GRB10: variants seen among roughly 807,000 people sequenced by gnomAD.
GRB10 encodes growth factor receptor-bound protein 10.
A neutral mutation model predicts 80.9 loss-of-function variants in GRB10; 20 were observed. The ratio of observed to expected loss-of-function variants is 0.25; its 90% CI spans 0.17 to 0.36. The LOEUF (loss-of-function observed/expected upper bound fraction) is 0.36, where lower values mean the gene tolerates loss of function less well. GRB10 is among the 10% of genes least tolerant of loss of function. The pLI, the probability that GRB10 is intolerant of heterozygous loss-of-function variation, is 1.00. For synonymous variants in GRB10, 291 were observed against 291.5 expected, an observed-to-expected ratio of 1.00 and a Z score of 0.02; for missense variants, 548 against 747.7, an observed-to-expected ratio of 0.73 and a Z score of 3.12.
At chr7:50,641,368 T>C (rs1020581227) in intron 7 of GRB10, among the ~76,000 whole-genome samples, 3 of 152,102 alleles carry the variant, frequency 2.0e-5, no homozygotes, top group African/African-American at 4.8e-5. Context: ...CCATTCAACA[T>C]TGCACCAAGA....
chr7:50,766,442 TC>T (rs2076345699), intron 2 of GRB10, among the ~76,000 whole-genome samples: 2 of 152,328 alleles, frequency 1.3e-5, no homozygotes, highest in Admixed American at 1.3e-4. Flanking sequence ...CTTTTCCTTT[TC>T]TTCTTCCCTT....
chr7:50,592,842 G>A lies in GRB10; in HGVS notation c.*110C>T, dbSNP rs1313590940. On this transcript the variant is annotated 3_prime_UTR_variant, in exon 19 of 19. Transcript: ENST00000401949. The stretch of plus-strand genomic sequence containing the variant: ...GGCTGGCACCGAACAAACCCATCTC[G>A]CTCTGGGTCCCCAGGTGCAGAATCG... 1.0e-4 allele frequency: 129 copies of A among 1,270,194 alleles called. No individual in the cohort carries two copies. Among genetic ancestry groups the A allele is most frequent in the Non-Finnish European group, 1.4e-4 (122 of 874,282 alleles). The allele number at this position is 1,270,194 out of a possible 1,614,324, so 78.7% of individuals were successfully genotyped here. A position where few individuals can be genotyped will look rare whatever the true frequency, so the allele number is the denominator to read the frequency against.
rs544617180 is a variant in GRB10 at position 50,660,309 on chromosome 7, C to T, written c.504+9413G>A. ...GCCACAACCACAGAAGTGGGGGGTGCAGCCGTGGTGCTGCATTCATGCAGG... is the reference window on the plus strand; with the variant it reads ...GCCACAACCACAGAAGTGGGGGGTGTAGCCGTGGTGCTGCATTCATGCAGG... On this transcript the variant is annotated intron_variant, in intron 7 of 18. Coordinates refer to ENST00000401949, the MANE Select transcript of GRB10 (RefSeq NM_001350814.2). Among the ~76,000 whole-genome samples, 18 of 152,248 alleles carry T rather than the reference C, an allele frequency of 1.2e-4. No homozygotes were observed. In the East Asian group the frequency reaches 3.5e-3, roughly 29 times the overall value.
At chr7:50,667,873 C>T (rs2059966602) in intron 7 of GRB10, among the ~76,000 whole-genome samples, 1 of 152,154 alleles carries the variant, frequency 6.6e-6, no homozygotes, top group African/African-American at 2.4e-5. Context: ...CAAATTTGGA[C>T]AATCCCTGGG....
At chr7:50,599,478 T>C (rs2047228653) in intron 17 of GRB10, among the ~76,000 whole-genome samples, 1 of 152,152 alleles carries the variant, frequency 6.6e-6, no homozygotes, top group South Asian at 2.1e-4. Context: ...ACCCAAGAAT[T>C]GAGAGGAAGA....
chr7:50,684,175 G>A (rs2061844017), intron 5 of GRB10, among the ~76,000 whole-genome samples: 1 of 148,492 alleles, frequency 6.7e-6, no homozygotes, highest in Non-Finnish European at 1.5e-5. Flanking sequence ...CATTTCCCCA[G>A]GACAACTGGT....
chr7:50,650,026 C>G (rs779274755), intron 7 of GRB10, among the ~76,000 whole-genome samples: 1 of 152,120 alleles, frequency 6.6e-6, no homozygotes, highest in Non-Finnish European at 1.5e-5. Flanking sequence ...CAGATGCAGT[C>G]TCTCAGAGAG....
At chr7:50,683,078 C>T (rs1399157114) in intron 5 of GRB10, among the ~76,000 whole-genome samples, 1 of 152,160 alleles carries the variant, frequency 6.6e-6, no homozygotes, top group Non-Finnish European at 1.5e-5. Context: ...GCACAAGTGC[C>T]CCTCAACAGA....
At chr7:50,710,350 G>A (rs980680948) in intron 4 of GRB10, among the ~76,000 whole-genome samples, 2 of 151,042 alleles carry the variant, frequency 1.3e-5, no homozygotes, top group South Asian at 4.1e-4. Flanking sequence ...CCAGGCTTCA[G>A]CAAAAAGCAT....
intron 17 of GRB10, among the ~76,000 whole-genome samples, chr7:50,602,503 G>A (rs1486436884): frequency 2.0e-5 from 3 of 152,206 alleles, no homozygotes; most frequent in African/African-American, 7.2e-5. Flanking sequence ...CAGGGAGACA[G>A]AGGAACTTAT....
At chr7:50,633,838 C>A (rs2054458612) in intron 7 of GRB10, among the ~76,000 whole-genome samples, 1 of 151,914 alleles carries the variant, frequency 6.6e-6, no homozygotes, top group African/African-American at 2.4e-5. Flanking sequence ...TTTGAATTAG[C>A]CCAGATAAGA....
intron 13 of GRB10, 119 bp downstream of exon 13, chr7:50,612,622 A>G (rs1721955468): frequency 4.1e-6 from 3 of 728,424 alleles, no homozygotes; most frequent in Non-Finnish European, 7.5e-6. Flanking sequence ...TAAATAAAAT[A>G]TTGTGACAGA....
chr7:50,641,726 T>A (rs1296201391), intron 7 of GRB10, among the ~76,000 whole-genome samples: 1 of 152,134 alleles, frequency 6.6e-6, no homozygotes, highest in East Asian at 1.9e-4. Context: ...GGCCACAGTG[T>A]CCACTCCTGC....
chr7:50,629,235 A>AG (rs1271636626), intron 7 of GRB10, among the ~76,000 whole-genome samples: 2 of 152,064 alleles, frequency 1.3e-5, no homozygotes. Flanking sequence ...TTCTTGTTCA[A>AG]ATCAGCCATG....
intron 18 of GRB10, among the ~76,000 whole-genome samples, chr7:50,593,761 G>C (rs1367531286): frequency 2.0e-5 from 3 of 152,174 alleles, no homozygotes; most frequent in African/African-American, 7.2e-5. Context: ...AGGTCGTGTT[G>C]TTCACAGGGA....
intron 2 of GRB10, among the ~76,000 whole-genome samples, chr7:50,770,695 C>A (rs1242854417): frequency 6.6e-6 from 1 of 152,022 alleles, no homozygotes; most frequent in Non-Finnish European, 1.5e-5. Context: ...TGGGGGGATC[C>A]AACTACCTTC....
chr7:50,697,042 C>T (rs963383156), intron 5 of GRB10, among the ~76,000 whole-genome samples: 1 of 152,184 alleles, frequency 6.6e-6, no homozygotes, highest in African/African-American at 2.4e-5. Flanking sequence ...ACATGCTGAG[C>T]GAAGCCAGTT....
chr7:50,707,253 A>G (rs2065162907), intron 4 of GRB10, among the ~76,000 whole-genome samples: 1 of 152,178 alleles, frequency 6.6e-6, no homozygotes, highest in South Asian at 2.1e-4. Context: ...AAAAGGAGAG[A>G]AAATACAATG....
chr7:50,689,607 T>C (rs1428195037), intron 5 of GRB10, among the ~76,000 whole-genome samples: 1 of 152,086 alleles, frequency 6.6e-6, no homozygotes, highest in Non-Finnish European at 1.5e-5. Flanking sequence ...TGTCTGCTCC[T>C]CAGAGGATCA....
Sources: allele counts gnomAD v4.1 joint callset (sites outside exome capture counted in the v4.1 genomes callset), GRCh38; gene constraint gnomAD v4.1.1; transcripts MANE v1.5; gene names NCBI Gene and HGNC (gene_info 2026-07-23, HGNC 2026-07-21).